Variants in GUCY1A2 observed in about 807,000 individuals in gnomAD.
The protein encoded by GUCY1A2 is guanylate cyclase 1 soluble subunit alpha 2, also known as guanylate cyclase soluble subunit alpha-2.
A neutral mutation model predicts 63.5 loss-of-function variants in GUCY1A2; 27 were observed. That is an observed-to-expected ratio of 0.43 (90% CI 0.31 to 0.59). GUCY1A2 has a LOEUF of 0.59. Ranked by LOEUF, GUCY1A2 falls within the 20% of genes least tolerant of loss-of-function variation. GUCY1A2 has a pLI of 0.11. For synonymous variants in GUCY1A2, 364 were observed against 343.5 expected, an observed-to-expected ratio of 1.06 and a Z score of -0.66; for missense variants, 768 against 913.3, an observed-to-expected ratio of 0.84 and a Z score of 2.05.
At chr11:106,984,809 A>G (rs1479229189) in intron 2 of GUCY1A2, among the ~76,000 whole-genome samples, 5 of 152,176 alleles carry the variant, frequency 3.3e-5, no homozygotes, top group African/African-American at 1.2e-4. Flanking sequence ...GGATATGTGG[A>G]GAAAGATTAA....
chr11:106,770,556 G>T (rs1398792971), intron 6 of GUCY1A2, among the ~76,000 whole-genome samples: 1 of 151,824 alleles, frequency 6.6e-6, no homozygotes, highest in Non-Finnish European at 1.5e-5. Flanking sequence ...ACAACATCAG[G>T]TTTCCTCTGG....
In GUCY1A2 at chr11:106,680,543, T is replaced by C. The variant is rs1424878566; in HGVS notation, c.*7006A>G. ...TGATCTGATCAGCAACTAGCTGAATTAACTGGAAGGATAACTTCAGTGTAA... is the reference window on the plus strand; with the variant it reads ...TGATCTGATCAGCAACTAGCTGAATCAACTGGAAGGATAACTTCAGTGTAA... On this transcript the variant is annotated 3_prime_UTR_variant, in exon 8 of 8. Coordinates refer to ENST00000526355, the MANE Select transcript of GUCY1A2 (RefSeq NM_000855.3). The C allele has an allele frequency of 5.1e-6, 1 of 197,476 alleles. No individual in the cohort carries two copies. The highest frequency in any genetic ancestry group is 6.1e-5 in the Admixed American group (1 of 16,512). 12.2% of individuals were successfully genotyped at this position (197,476 alleles called of 1,614,324 possible). A position where few individuals can be genotyped will look rare whatever the true frequency, so the allele number is the denominator to read the frequency against.
At chr11:107,005,846 T>C (rs1423665179) in intron 1 of GUCY1A2, among the ~76,000 whole-genome samples, 1 of 152,158 alleles carries the variant, frequency 6.6e-6, no homozygotes, top group Non-Finnish European at 1.5e-5. Flanking sequence ...CCCAAAAATG[T>C]TGGAAATATT....
chr11:106,865,747 T>C (rs1859583331), intron 4 of GUCY1A2, among the ~76,000 whole-genome samples: 1 of 151,952 alleles, frequency 6.6e-6, no homozygotes, highest in Admixed American at 6.6e-5. Flanking sequence ...CCTGTATACC[T>C]ATGTAATAAA....
intron 5 of GUCY1A2, among the ~76,000 whole-genome samples, chr11:106,780,431 T>C (rs942301943): frequency 6.6e-6 from 1 of 152,204 alleles, no homozygotes; most frequent in African/African-American, 2.4e-5. Context: ...TTCTCATTCA[T>C]TCTACATATC....
At chr11:106,839,422 C>A (rs1294568694) in intron 4 of GUCY1A2, among the ~76,000 whole-genome samples, 2 of 151,564 alleles carry the variant, frequency 1.3e-5, no homozygotes, top group Non-Finnish European at 3.0e-5. Context: ...GACCGTAAAC[C>A]AGTTCAACCG....
intron 6 of GUCY1A2, among the ~76,000 whole-genome samples, chr11:106,738,845 T>C (rs1459036473): frequency 2.0e-5 from 3 of 152,190 alleles, no homozygotes; most frequent in African/African-American, 7.2e-5. Context: ...AGCTTAGTTC[T>C]TTTTGCTTGG....
intron 6 of GUCY1A2, among the ~76,000 whole-genome samples, chr11:106,709,269 T>TAATTTA (rs71041683): frequency 5.5e-5 from 5 of 90,872 alleles, no homozygotes; most frequent in Non-Finnish European, 7.7e-5. Flanking sequence ...ATAAATATAT[T>TAATTTA]TATATATATA....
intron 4 of GUCY1A2, among the ~76,000 whole-genome samples, chr11:106,840,506 T>C (rs1341647404): frequency 6.6e-6 from 1 of 151,964 alleles, no homozygotes; most frequent in Non-Finnish European, 1.5e-5. Flanking sequence ...AATAACTATA[T>C]TGATATAGAA....
intron 1 of GUCY1A2, among the ~76,000 whole-genome samples, chr11:106,999,827 T>C (rs78191798): frequency 0.011 from 1,668 of 152,322 alleles, 36 homozygotes; most frequent in African/African-American, 0.039. Context: ...AATTGGATAT[T>C]TGTGTTCACT....
intron 6 of GUCY1A2, among the ~76,000 whole-genome samples, chr11:106,724,585 C>G (rs1333292889): frequency 6.6e-6 from 1 of 152,108 alleles, no homozygotes; most frequent in Non-Finnish European, 1.5e-5. Flanking sequence ...TTTTCAAATC[C>G]TGAGAAGTTC....
chr11:106,727,465 ACTT>A (rs1161415461), intron 6 of GUCY1A2, among the ~76,000 whole-genome samples: 1 of 152,178 alleles, frequency 6.6e-6, no homozygotes, highest in Non-Finnish European at 1.5e-5. Flanking sequence ...GATGACATGA[ACTT>A]CTCCATTAGA....
At chr11:106,975,870 T>C (rs987504338) in intron 3 of GUCY1A2, among the ~76,000 whole-genome samples, 1 of 152,132 alleles carries the variant, frequency 6.6e-6, no homozygotes, top group Non-Finnish European at 1.5e-5. Context: ...ACTCACTTTC[T>C]CCCTCTCCTC....
chr11:107,014,079 C>CTTTTTTTTTTTTTTTTTT (rs71044206), intron 1 of GUCY1A2, among the ~76,000 whole-genome samples: 1 of 70,018 alleles, frequency 1.4e-5, no homozygotes, highest in East Asian at 4.7e-4. Context: ...CCATGTTTTC[C>CTTTTTTTTTTTTTTTTTT]TTTTTTTTTT....
Position 106,679,705 on chromosome 11 carries a change from A to G in GUCY1A2, c.*7844T>C, listed in dbSNP as rs972411110. 4.1e-5 allele frequency: 9 copies of G among 219,532 alleles called. No homozygotes were observed. The highest frequency in any genetic ancestry group is 4.0e-4 in the Admixed American group (7 of 17,288). The allele number at this position is 219,532 out of a possible 1,614,324, so 13.6% of individuals were successfully genotyped here. ...TTGCATAGTGTTAGTCTGTTTTTCT[A>G]TGCTAATTTTAGCAGGGTTTTCTGT... On this transcript the variant is annotated 3_prime_UTR_variant, in exon 8 of 8. Transcript: ENST00000526355.
At chr11:106,721,787 G>T (rs1863321223) in intron 6 of GUCY1A2, among the ~76,000 whole-genome samples, 1 of 152,176 alleles carries the variant, frequency 6.6e-6, no homozygotes, top group African/African-American at 2.4e-5. Context: ...CTGTAATTAA[G>T]AAATTGCTAA....
At chr11:106,944,132 T>A (rs553544665) in intron 3 of GUCY1A2, among the ~76,000 whole-genome samples, 1 of 129,788 alleles carries the variant, frequency 7.7e-6, no homozygotes, top group Non-Finnish European at 1.6e-5. Context: ...GGAGAATCAC[T>A]GGAGCCCAGG....
At chr11:106,840,838 T>TA (rs1859186311) in intron 4 of GUCY1A2, among the ~76,000 whole-genome samples, 2 of 152,048 alleles carry the variant, frequency 1.3e-5, no homozygotes, top group South Asian at 4.1e-4. Context: ...AAATTAGAAG[T>TA]AAAAAATAAA....
At chr11:106,818,040 T>C (rs1419459779) in intron 4 of GUCY1A2, among the ~76,000 whole-genome samples, 2 of 152,176 alleles carry the variant, frequency 1.3e-5, no homozygotes, top group African/African-American at 2.4e-5. Context: ...GCACCCCATG[T>C]TCACTGCAGC....
Sources: gnomAD v4.1 joint callset for allele counts (sites outside exome capture counted in the v4.1 genomes callset) on GRCh38, gnomAD v4.1.1 for gene constraint, MANE v1.5 for transcripts, NCBI Gene and HGNC (gene_info 2026-07-23, HGNC 2026-07-21) for gene names.